Variants in BCL7C observed in about 807,000 individuals in gnomAD.
BCL7C encodes BAF chromatin remodeling complex subunit BCL7C, also known as B-cell CLL/lymphoma 7 protein family member C.
Under a neutral mutation model 26.2 loss-of-function variants are expected in BCL7C, and 8 were observed. The ratio of observed to expected loss-of-function variants is 0.30; its 90% CI spans 0.18 to 0.55. The LOEUF (loss-of-function observed/expected upper bound fraction) is 0.55. BCL7C is among the 20% of genes least tolerant of loss of function. The pLI, the probability that BCL7C is intolerant of heterozygous loss-of-function variation, is 0.93. For missense variants in BCL7C, 262 were observed against 298.5 expected (o/e 0.88, Z 0.90); for synonymous variants, 90 against 116.5 (o/e 0.77, Z 1.47).
chr16:30,841,858 G>T (rs913025998), intron 5 of BCL7C, among the ~76,000 whole-genome samples: 3 of 151,544 alleles, frequency 2.0e-5, no homozygotes, highest in African/African-American at 7.3e-5. Flanking sequence ...GGGAGGCTGA[G>T]GCAGGAGAAT....
intron 5 of BCL7C, among the ~76,000 whole-genome samples, chr16:30,837,775 G>A (rs138293335): frequency 6.0e-4 from 91 of 152,336 alleles, no homozygotes; most frequent in Non-Finnish European, 1.1e-3. Context: ...CATCAGAGAG[G>A]CAGAGTGCAG....
intron 5 of BCL7C, among the ~76,000 whole-genome samples, chr16:30,856,884 A>G (rs2054726991): frequency 6.6e-6 from 1 of 152,168 alleles, no homozygotes; most frequent in South Asian, 2.1e-4. Flanking sequence ...ATTCCTAAGA[A>G]TATGTCAGAG....
intron 5 of BCL7C, among the ~76,000 whole-genome samples, chr16:30,837,824 T>C (rs1434402037): frequency 6.6e-6 from 1 of 152,166 alleles, no homozygotes; most frequent in African/African-American, 2.4e-5. Context: ...GCTGATCAGG[T>C]GGCCAGTCAG....
chr16:30,881,256 T>G (rs771790891), intron 5 of BCL7C, among the ~76,000 whole-genome samples: 5 of 152,070 alleles, frequency 3.3e-5, no homozygotes, highest in Non-Finnish European at 7.4e-5. Context: ...ATTAGCTGTG[T>G]GTGGTGGCGA....
At chr16:30,845,882 G>A (rs191101063) in intron 5 of BCL7C, among the ~76,000 whole-genome samples, 24 of 151,838 alleles carry the variant, frequency 1.6e-4, no homozygotes, top group Non-Finnish European at 2.4e-4. Context: ...CGAGACAGGC[G>A]GATCACAAGA....
chr16:30,837,918 T>C (rs1399103564), intron 5 of BCL7C, among the ~76,000 whole-genome samples: 1 of 152,156 alleles, frequency 6.6e-6, no homozygotes, highest in East Asian at 1.9e-4. Flanking sequence ...CCTACAATTT[T>C]TCCTCCTCTA....
At chr16:30,871,091 G>C (rs1250727816) in intron 5 of BCL7C, among the ~76,000 whole-genome samples, 1 of 152,186 alleles carries the variant, frequency 6.6e-6, no homozygotes, top group Admixed American at 6.5e-5. Context: ...GCCAGAACTG[G>C]GCAGGGGGAA....
In BCL7C at chr16:30,861,950, G is replaced by A. The variant is rs1388287644; in HGVS notation, c.529-26802C>T. On this transcript the variant is annotated intron_variant, in intron 5 of 5. Transcript: ENST00000380317. ...GTGATCTCAGGTCAATGCAAGCTCC[G>A]CCTCCTGGGTTCATGCCATTCTCCT... is the stretch of plus-strand genomic sequence containing the variant. Among the ~76,000 whole-genome samples the A allele has an allele frequency of 3.0e-5, 4 of 135,350 alleles. 1 individual carries two copies. In the Admixed American group the frequency reaches 3.4e-4, roughly 12 times the overall value. 88.8% of individuals were successfully genotyped at this position (135,350 alleles called of 152,430 possible).
Position 30,893,832 on chromosome 16 carries a change from T to G in BCL7C, c.92+21A>C. On this transcript the variant is annotated intron_variant, in intron 1 of 5. Coordinates refer to ENST00000215115, the MANE Select transcript of BCL7C (RefSeq NM_004765.4). The surrounding 1 kb of genome is among the most constrained non-coding windows in gnomAD (Gnocchi z 5.2). ...TGGTGGTCCCGCTGTGTCCCGTCCC[T>G]GGCCCCCGAGCAGCGCTCACCATCT... 1 of 1,596,052 alleles carries G rather than the reference T, an allele frequency of 6.3e-7. No homozygotes were observed. The highest frequency in any genetic ancestry group is 8.5e-7 in the Non-Finnish European group (1 of 1,175,722).
chr16:30,856,104 T>C (rs1018246018), intron 5 of BCL7C, among the ~76,000 whole-genome samples: 8 of 151,032 alleles, frequency 5.3e-5, no homozygotes, highest in Admixed American at 3.3e-4. Flanking sequence ...AATAAAACTT[T>C]CTATTTTTTT....
intron 5 of BCL7C, among the ~76,000 whole-genome samples, chr16:30,869,496 C>T (rs930329631): frequency 7.8e-5 from 11 of 141,146 alleles, no homozygotes; most frequent in Non-Finnish European, 1.4e-4. Context: ...TGAGCCACCA[C>T]GCCTGGCTCT....
At chr16:30,882,450 CAG>C (rs1474530066) in intron 5 of BCL7C, among the ~76,000 whole-genome samples, 2 of 152,096 alleles carry the variant, frequency 1.3e-5, no homozygotes, top group Admixed American at 6.6e-5. Context: ...GAGGAGGGGT[CAG>C]GGGCTGAGGG....
At chr16:30,878,049 C>T (rs1428080798) in intron 5 of BCL7C, among the ~76,000 whole-genome samples, 5 of 151,938 alleles carry the variant, frequency 3.3e-5, no homozygotes, top group Admixed American at 3.3e-4. Flanking sequence ...GTGGCAGGCA[C>T]CTGTAATCCC....
chr16:30,840,352 G>A (rs2054594550), intron 5 of BCL7C, among the ~76,000 whole-genome samples: 1 of 151,944 alleles, frequency 6.6e-6, no homozygotes, highest in African/African-American at 2.4e-5. Context: ...CGAGTAGCTG[G>A]GATTACAGGC....
intron 5 of BCL7C, chr16:30,851,916 A>C (rs1057020894): frequency 4.2e-5 from 8 of 192,076 alleles, no homozygotes; most frequent in Non-Finnish European, 2.3e-5. Context: ...AGAGAAGATG[A>C]CACTTCAAAA....
intron 5 of BCL7C, among the ~76,000 whole-genome samples, chr16:30,865,172 C>CAA (rs529882511): frequency 2.9e-4 from 12 of 40,786 alleles, no homozygotes; most frequent in African/African-American, 6.5e-4. Context: ...ACCTCCAACT[C>CAA]AAAAAAAAAA....
chr16:30,867,007 T>C (rs954978449), intron 5 of BCL7C, among the ~76,000 whole-genome samples: 2 of 152,196 alleles, frequency 1.3e-5, no homozygotes, highest in African/African-American at 4.8e-5. Context: ...TGAGCTACAA[T>C]TGTGCTACTG....
At chr16:30,878,312 C>G (rs2054985382) in intron 5 of BCL7C, among the ~76,000 whole-genome samples, 2 of 151,938 alleles carry the variant, frequency 1.3e-5, no homozygotes, top group Admixed American at 1.3e-4. Flanking sequence ...AGACGGATCA[C>G]AAGGTCAGGA....
At chr16:30,861,620 A>G (rs2054773438) in intron 5 of BCL7C, among the ~76,000 whole-genome samples, 3 of 152,170 alleles carry the variant, frequency 2.0e-5, no homozygotes, top group Admixed American at 2.0e-4. Flanking sequence ...TTCCCGGCTT[A>G]GTGGCTGAAG....
Sources: allele counts gnomAD v4.1 joint callset (sites outside exome capture counted in the v4.1 genomes callset), GRCh38; gene constraint gnomAD v4.1.1; non-coding constraint Gnocchi (gnomAD v3.1); transcripts MANE v1.5; gene names NCBI Gene and HGNC (gene_info 2026-07-23, HGNC 2026-07-21).